GIT2: variants seen among roughly 807,000 people sequenced by gnomAD.
The protein encoded by GIT2 is GIT ArfGAP 2.
GIT2 carries 32 observed loss-of-function variants against 100.3 expected under a neutral mutation model. The ratio of observed to expected loss-of-function variants is 0.32; its 90% confidence interval spans 0.24 to 0.43. The LOEUF (loss-of-function observed/expected upper bound fraction) is 0.43, where lower values mean the gene tolerates loss of function less well. GIT2 is among the 20% of genes least tolerant of loss of function. The pLI is 1.00. For synonymous variants in GIT2, 353 were observed against 364.1 expected (o/e 0.97, Z 0.35); for missense variants, 737 against 975.1 (o/e 0.76, Z 3.25).
At chr12:109,950,139 C>T (rs991083460) in intron 14 of GIT2, among the ~76,000 whole-genome samples, 4 of 152,218 alleles carry the variant, frequency 2.6e-5, no homozygotes, top group African/African-American at 9.6e-5. Context: ...CTAGACCAAA[C>T]CCCAGGCAAA....
intron 16 of GIT2, chr12:109,942,805 CAT>C (rs1458660856): frequency 6.6e-6 from 1 of 152,182 alleles, no homozygotes; most frequent in Non-Finnish European, 1.5e-5. Context: ...TGGAAAACAA[CAT>C]ATAGCAGCAA....
chr12:109,966,594 T>C (rs1882515643), intron 8 of GIT2, among the ~76,000 whole-genome samples: 1 of 151,344 alleles, frequency 6.6e-6, no homozygotes, highest in Non-Finnish European at 1.5e-5. Flanking sequence ...GGTGGATTGC[T>C]TGAGTCCCGG....
At chr12:109,978,224 A>G (rs1011978528) in intron 7 of GIT2, among the ~76,000 whole-genome samples, 4 of 151,802 alleles carry the variant, frequency 2.6e-5, no homozygotes, top group Non-Finnish European at 5.9e-5. Context: ...CTGGGATTAC[A>G]GGTGCGCACC....
intron 8 of GIT2, among the ~76,000 whole-genome samples, chr12:109,966,337 A>G (rs1338694144): frequency 6.6e-6 from 1 of 151,254 alleles, no homozygotes; most frequent in East Asian, 2.0e-4. Context: ...GTGAAACCCC[A>G]TCTCTACTAA....
chr12:109,981,012 C>A lies in GIT2; in HGVS notation c.658G>T (p.Val220Leu), dbSNP rs866450668. ...GGHHELAERL[V>L]EIQYELTDRL... ...TCCGTTAGCTCATACTGTATTTCCA[C>A]GAGGCGCTCTGCCAGCTCATGGTGC... The change falls in exon 7 of 20, where the codon GTG (valine) becomes TTG (leucine). Residue 220 changes from valine (V) to leucine (L), a missense_variant. Val to Leu is a conservative substitution (Grantham distance 32). Coordinates refer to ENST00000355312, the MANE Select transcript of GIT2 (RefSeq NM_057169.5). 1 of 1,613,178 alleles carries A rather than the reference C, an allele frequency of 6.2e-7. No homozygotes were observed.
intron 12 of GIT2, among the ~76,000 whole-genome samples, chr12:109,958,077 T>C (rs544599779): frequency 1.3e-5 from 2 of 152,034 alleles, no homozygotes; most frequent in East Asian, 3.9e-4. Flanking sequence ...CCTGAGTAGC[T>C]GGGACTATAG....
intron 7 of GIT2, among the ~76,000 whole-genome samples, chr12:109,972,403 T>C (rs897074773): frequency 3.3e-5 from 5 of 152,232 alleles, no homozygotes; most frequent in Admixed American, 6.5e-5. Context: ...GAATGCTTCT[T>C]CTGCATCAAC....
In GIT2 at chr12:109,933,561, CA is replaced by C. The variant is rs1872114962; in HGVS notation, c.2068-372del. 2 of 219,064 alleles carry C rather than the reference CA, an allele frequency of 9.1e-6. No individual in the cohort carries two copies. The highest frequency in any genetic ancestry group is 1.8e-5 in the Non-Finnish European group (2 of 109,686). 13.6% of individuals were successfully genotyped at this position (219,064 alleles called of 1,614,324 possible). On this transcript the variant is annotated intron_variant, in intron 19 of 19. Transcript: ENST00000355312. This position sits in a 1 kb window ranked among gnomAD's most constrained non-coding sequence, Gnocchi z 4.5. ...TTATTAAATCAACATTCATGCAGAA[CA>C]AAAATATTTCAAAGCTCTATACGAC...
intron 7 of GIT2, among the ~76,000 whole-genome samples, chr12:109,967,730 A>G (rs1012400449): frequency 6.6e-6 from 1 of 152,174 alleles, no homozygotes. Flanking sequence ...GCAGAAACCT[A>G]TGCTCACCCC....
intron 9 of GIT2, 111 bp from the exon 10 acceptor site, chr12:109,961,796 T>C (rs536240322): frequency 1.4e-6 from 1 of 724,010 alleles, no homozygotes; most frequent in South Asian, 1.5e-5. Context: ...CCAATGCCAG[T>C]GCTTGGTACA....
Position 109,965,541 on chromosome 12 carries a change from C to A in GIT2, c.801G>T (p.Lys267Asn). The A allele has an allele frequency of 6.3e-7, 1 of 1,596,884 alleles. No individual in the cohort carries two copies. The highest frequency in any genetic ancestry group is 1.1e-5 in the South Asian group (1 of 89,888). The change falls in exon 9 of 20, where the codon AAG becomes AAT. Residue 267 changes from lysine (K) to asparagine (N), a missense_variant. Coordinates refer to ENST00000355312, the MANE Select transcript of GIT2 (RefSeq NM_057169.5). ...LDLSELAKAA[K>N]KKLQSLSNHL... ...AAATACTCACAGATTGAAGTTTCTT[C>A]TTAGCAGCTTTTGCCAATTCAGACA...
chr12:109,986,088 T>C (rs912287291), intron 4 of GIT2, among the ~76,000 whole-genome samples: 1 of 151,536 alleles, frequency 6.6e-6, no homozygotes, highest in African/African-American at 2.4e-5. Flanking sequence ...GTCTCCCCAG[T>C]TCAAGAGATT....
intron 4 of GIT2, among the ~76,000 whole-genome samples, chr12:109,987,497 T>C (rs925865160): frequency 6.6e-6 from 1 of 152,106 alleles, no homozygotes; most frequent in African/African-American, 2.4e-5. Context: ...GACAGGGTCT[T>C]GCTCTGTTGT....
intron 12 of GIT2, among the ~76,000 whole-genome samples, chr12:109,956,577 G>A (rs1352638774): frequency 3.9e-5 from 6 of 152,088 alleles, no homozygotes; most frequent in Non-Finnish European, 5.9e-5. Context: ...ACAAATTTTA[G>A]CAAGTAGATG....
rs763146746 is a variant in GIT2 at position 109,951,106 on chromosome 12, G to A, written c.1392+61C>T. On this transcript the variant is annotated intron_variant, in intron 14 of 19. Transcript: ENST00000355312. Reference sequence around the variant, plus strand: ...CCTCGGACCACATCACAGTGCCTGAGATTCTTCCTTGTACTATGGGATTAA... The same window carrying A: ...CCTCGGACCACATCACAGTGCCTGAAATTCTTCCTTGTACTATGGGATTAA... The A allele has an allele frequency of 1.2e-5, 17 of 1,427,552 alleles. No homozygotes were observed. The South Asian group carries it at 2.0e-4, about 16-fold the overall frequency. 88.4% of individuals were successfully genotyped at this position (1,427,552 alleles called of 1,614,324 possible).
Position 109,934,209 on chromosome 12 carries a change from C to A in GIT2, c.2004-124G>T. The stretch of plus-strand genomic sequence containing the variant: ...TGAAGGGGCTAGGGCTGCAGTCAGC[C>A]GTGCATCCCACACCACCAGAGGGCA... On this transcript the variant is annotated intron_variant, in intron 18 of 19. Coordinates refer to ENST00000355312, the MANE Select transcript of GIT2 (RefSeq NM_057169.5). This position sits in a 1 kb window ranked among gnomAD's most constrained non-coding sequence, Gnocchi z 4.5. 1 of 674,656 alleles carries A rather than the reference C, an allele frequency of 1.5e-6. No homozygotes were observed. Among genetic ancestry groups the A allele is most frequent in the Non-Finnish European group, 2.8e-6 (1 of 362,202 alleles). 41.8% of individuals were successfully genotyped at this position (674,656 alleles called of 1,614,324 possible).
Position 109,947,564 on chromosome 12 carries a change from A to G in GIT2, c.1393-60T>C, listed in dbSNP as rs1876689191. On this transcript the variant is annotated intron_variant, in intron 14 of 19. Transcript: ENST00000355312. The surrounding 1 kb of genome is among the most constrained non-coding windows in gnomAD (Gnocchi z 4.3). ...TTTACAGCAAGCAGAAAAAGCAAAC[A>G]CCAAGTAAATGAATACAACTACCAG... is the stretch of plus-strand genomic sequence containing the variant. 1 of 1,511,192 alleles carries G rather than the reference A, an allele frequency of 6.6e-7. No individual in the cohort carries two copies. The highest frequency in any genetic ancestry group is 1.4e-5 in the African/African-American group (1 of 72,682). The allele number at this position is 1,511,192 out of a possible 1,614,324, so 93.6% of individuals were successfully genotyped here. A position where few individuals can be genotyped will look rare whatever the true frequency, so the allele number is the denominator to read the frequency against.
intron 7 of GIT2, among the ~76,000 whole-genome samples, chr12:109,972,298 A>G (rs1359706387): frequency 1.3e-5 from 2 of 152,182 alleles, no homozygotes; most frequent in Non-Finnish European, 2.9e-5. Context: ...GTCTTTCATC[A>G]TTAAATAGAT....
At chr12:109,999,725 C>G (rs1408539798), upstream of GIT2, 1 of 1,537,960 alleles carries the variant, frequency 6.5e-7, no homozygotes, top group Admixed American at 2.0e-5. The surrounding 1 kb of genome is among the most constrained non-coding windows in gnomAD (Gnocchi z 4.3). Context: ...CCACTACCCC[C>G]TGCACCTCCT....
Sources: allele counts gnomAD v4.1 joint callset (sites outside exome capture counted in the v4.1 genomes callset), GRCh38; gene constraint gnomAD v4.1.1; non-coding constraint Gnocchi (gnomAD v3.1); transcripts MANE v1.5; gene names NCBI Gene and HGNC (gene_info 2026-07-23, HGNC 2026-07-21).